HTR1F: variants seen among roughly 807,000 people sequenced by gnomAD.
The protein encoded by HTR1F is 5-hydroxytryptamine (serotonin) receptor 1F, G protein-coupled.
Under a neutral mutation model 24.0 loss-of-function variants are expected in HTR1F, and 17 were observed. The ratio of observed to expected loss-of-function variants is 0.71; its 90% CI spans 0.48 to 1.06. The LOEUF (loss-of-function observed/expected upper bound fraction) is 1.06, where lower values mean the gene tolerates loss of function less well. HTR1F is among the 50% of genes least tolerant of loss of function. The probability of loss-of-function intolerance (pLI) is 0.00; values close to 1 mark genes in which losing one functional copy is unlikely to be tolerated. For missense variants in HTR1F, 391 were observed against 427.8 expected (o/e 0.91, Z 0.76); for synonymous variants, 186 against 156.8 (o/e 1.19, Z -1.39).
At chr3:87,899,293 T>A (rs1706270179) in intron 2 of HTR1F, among the ~76,000 whole-genome samples, 1 of 152,206 alleles carries the variant, frequency 6.6e-6, no homozygotes, top group Admixed American at 6.5e-5. Context: ...TGGTATATTT[T>A]AGGTTCACTT....
At chr3:87,863,935 C>A (rs1705368978) in intron 2 of HTR1F, among the ~76,000 whole-genome samples, 1 of 152,222 alleles carries the variant, frequency 6.6e-6, no homozygotes, top group South Asian at 2.1e-4. Context: ...AGACCTTCAA[C>A]CCAGAATATA....
At chr3:87,937,661 C>T (rs112433874) in intron 2 of HTR1F, among the ~76,000 whole-genome samples, 4,934 of 152,114 alleles carry the variant, frequency 0.032, 245 homozygotes, top group African/African-American at 0.11. Flanking sequence ...CAGTGGCTCA[C>T]GCCTGTAATC....
intron 2 of HTR1F, among the ~76,000 whole-genome samples, chr3:87,884,791 G>A (rs969444934): frequency 1.6e-4 from 24 of 152,126 alleles, no homozygotes; most frequent in African/African-American, 5.6e-4. Context: ...TCAACAAGAA[G>A]AGCTAACTAT....
At chr3:87,841,707 C>T (rs1358395168) in intron 2 of HTR1F, among the ~76,000 whole-genome samples, 1 of 151,408 alleles carries the variant, frequency 6.6e-6, no homozygotes, top group Non-Finnish European at 1.5e-5. Context: ...CGAGACCAGC[C>T]TGGCCGACAT....
chr3:87,817,926 A>C (rs989574704), intron 1 of HTR1F, among the ~76,000 whole-genome samples: 2 of 152,206 alleles, frequency 1.3e-5, no homozygotes, highest in Non-Finnish European at 2.9e-5. Flanking sequence ...AATATTTTTC[A>C]TCAAAGATGG....
intron 2 of HTR1F, among the ~76,000 whole-genome samples, chr3:87,982,556 A>G (rs1705568201): frequency 6.6e-6 from 1 of 152,254 alleles, no homozygotes; most frequent in Admixed American, 6.5e-5. Flanking sequence ...CTACTTAGCT[A>G]TAATCCAGAC....
At chr3:87,818,821 G>T (rs965187684) in intron 1 of HTR1F, among the ~76,000 whole-genome samples, 1 of 152,122 alleles carries the variant, frequency 6.6e-6, no homozygotes, top group African/African-American at 2.4e-5. Context: ...CCCCTCATTT[G>T]CCTCATCCTA....
At chr3:87,843,511 C>A (rs543261414) in intron 2 of HTR1F, among the ~76,000 whole-genome samples, 1 of 138,224 alleles carries the variant, frequency 7.2e-6, no homozygotes, top group Admixed American at 7.2e-5. Context: ...CTTTCTTTTT[C>A]TTTTTTTTTT....
At chr3:87,902,913 G>T (rs1305471932) in intron 2 of HTR1F, among the ~76,000 whole-genome samples, 1 of 151,664 alleles carries the variant, frequency 6.6e-6, no homozygotes, top group Non-Finnish European at 1.5e-5. Context: ...CCATGTACTG[G>T]TACCAAAACA....
chr3:87,956,183 T>G lies in HTR1F; in HGVS notation c.-42-34525T>G, dbSNP rs931119655. On this transcript the variant is annotated intron_variant, in intron 2 of 2. Coordinates refer to ENST00000319595, the MANE Select transcript of HTR1F (RefSeq NM_001322209.2). Reference sequence around the variant, plus strand: ...GTATGTTTTATTGTTTTGACTTTTATGTCTATGATTCATTTCAAGTTAATT... The same window carrying G: ...GTATGTTTTATTGTTTTGACTTTTAGGTCTATGATTCATTTCAAGTTAATT... Among the ~76,000 whole-genome samples the G allele has an allele frequency of 5.3e-5, 8 of 151,566 alleles. No homozygotes were observed. The South Asian group carries it at 1.0e-3, about 20-fold the overall frequency.
At chr3:87,816,433 G>GT (rs1285928430) in intron 1 of HTR1F, among the ~76,000 whole-genome samples, 1 of 152,014 alleles carries the variant, frequency 6.6e-6, no homozygotes, top group Non-Finnish European at 1.5e-5. Flanking sequence ...GGGTAAAAGA[G>GT]TAAAAAATCA....
Position 87,973,962 on chromosome 3 carries a change from G to A in HTR1F, c.-42-16746G>A, listed in dbSNP as rs543600235. The stretch of plus-strand genomic sequence containing the variant: ...CAGGCTGCCTGTTCACCATGGCCAG[G>A]TATGAACATAGATGTCGGAATTACA... On this transcript the variant is annotated intron_variant, in intron 2 of 2. Transcript: ENST00000319595. Among the ~76,000 whole-genome samples, 5 of 152,268 alleles carry A rather than the reference G, an allele frequency of 3.3e-5. No individual in the cohort carries two copies. The East Asian group carries it at 7.7e-4, about 23-fold the overall frequency.
intron 2 of HTR1F, among the ~76,000 whole-genome samples, chr3:87,869,466 A>AGATAGATAGATAGATAGAT (rs1705508229): frequency 1.3e-5 from 2 of 151,798 alleles, no homozygotes; most frequent in African/African-American, 4.9e-5. Context: ...ATAGATAGAT[A>AGATAGATAGATAGATAGAT]GATAGATAGA....
chr3:87,933,293 C>G (rs1263991201), intron 2 of HTR1F, among the ~76,000 whole-genome samples: 1 of 150,420 alleles, frequency 6.6e-6, no homozygotes, highest in African/African-American at 2.4e-5. Flanking sequence ...AAAACTGGCA[C>G]AAGACAGGGA....
At chr3:87,973,212 T>C (rs1177909463) in intron 2 of HTR1F, among the ~76,000 whole-genome samples, 1 of 152,040 alleles carries the variant, frequency 6.6e-6, no homozygotes, top group Non-Finnish European at 1.5e-5. Context: ...TGGACTCTAA[T>C]TTTTACCTAT....
At chr3:87,973,201 A>G (rs1008537869) in intron 2 of HTR1F, among the ~76,000 whole-genome samples, 1 of 152,056 alleles carries the variant, frequency 6.6e-6, no homozygotes, top group South Asian at 2.1e-4. Flanking sequence ...AATCCCTATC[A>G]TGGACTCTAA....
At chr3:87,797,552 A>G (rs1371286254) in intron 1 of HTR1F, among the ~76,000 whole-genome samples, 2 of 152,208 alleles carry the variant, frequency 1.3e-5, no homozygotes, top group Non-Finnish European at 1.5e-5. Context: ...GTAGGGTAAA[A>G]TGATAGAAGG....
intron 2 of HTR1F, among the ~76,000 whole-genome samples, chr3:87,841,501 G>A (rs551433624): frequency 6.6e-6 from 1 of 151,856 alleles, no homozygotes; most frequent in South Asian, 2.1e-4. Flanking sequence ...AAGTGCAAGG[G>A]GGTTGGGAAC....
intron 2 of HTR1F, among the ~76,000 whole-genome samples, chr3:87,969,623 C>T (rs552873599): frequency 6.6e-5 from 10 of 152,162 alleles, no homozygotes; most frequent in East Asian, 5.8e-4. Context: ...GGCTCACAGG[C>T]GGAAGGGACT....
Sources: allele counts gnomAD v4.1 joint callset (sites outside exome capture counted in the v4.1 genomes callset), GRCh38; gene constraint gnomAD v4.1.1; transcripts MANE v1.5; gene names NCBI Gene and HGNC (gene_info 2026-07-23, HGNC 2026-07-21).